Variants in VAV3 observed in about 807,000 individuals in gnomAD.
The protein encoded by VAV3 is vav guanine nucleotide exchange factor 3.
VAV3 carries 94 observed loss-of-function variants against 131.2 expected under a neutral mutation model. The ratio of observed to expected loss-of-function variants is 0.72; its 90% CI spans 0.61 to 0.85. VAV3 has a LOEUF of 0.85. VAV3 is among the 40% of genes least tolerant of loss of function. The pLI, the probability that VAV3 is intolerant of heterozygous loss-of-function variation, is 0.00. For missense variants in VAV3, 939 were observed against 1,002.7 expected (o/e 0.94, Z 0.86); for synonymous variants, 349 against 342.0 (o/e 1.02, Z -0.22).
At chr1:107,717,834 G>T (rs1661211686) in intron 15 of VAV3, among the ~76,000 whole-genome samples, 1 of 152,274 alleles carries the variant, frequency 6.6e-6, no homozygotes, top group East Asian at 1.9e-4. Context: ...TATTGACAAT[G>T]GGGTGTTAAA....
intron 25 of VAV3, among the ~76,000 whole-genome samples, chr1:107,583,275 A>G (rs183605327): frequency 6.6e-6 from 1 of 152,260 alleles, no homozygotes; most frequent in East Asian, 1.9e-4. Flanking sequence ...AGTAAGAGCT[A>G]TCTGTGACAA....
intron 15 of VAV3, among the ~76,000 whole-genome samples, chr1:107,746,737 A>T (rs1663369945): frequency 6.6e-6 from 1 of 152,226 alleles, no homozygotes; most frequent in Non-Finnish European, 1.5e-5. Flanking sequence ...TATTTCTACA[A>T]GGAATCCATA....
intron 6 of VAV3, among the ~76,000 whole-genome samples, chr1:107,769,849 G>A (rs923899772): frequency 2.0e-5 from 3 of 151,962 alleles, no homozygotes; most frequent in Non-Finnish European, 2.9e-5. Context: ...CAATCCGGTT[G>A]GTTCTATGTT....
chr1:107,927,370 G>A, intron 1 of VAV3, among the ~76,000 whole-genome samples: 1 of 152,148 alleles, frequency 6.6e-6, no homozygotes, highest in East Asian at 1.9e-4. Flanking sequence ...GACATTCCCA[G>A]CTGTGGTGGC....
chr1:107,751,413 C>T (rs1217388830), intron 12 of VAV3, among the ~76,000 whole-genome samples: 1 of 152,008 alleles, frequency 6.6e-6, no homozygotes, highest in Non-Finnish European at 1.5e-5. Context: ...TCAAGGACAT[C>T]AATTGATTTT....
chr1:107,649,206 C>T (rs1268674242), intron 19 of VAV3, among the ~76,000 whole-genome samples: 1 of 152,030 alleles, frequency 6.6e-6, no homozygotes, highest in Non-Finnish European at 1.5e-5. Flanking sequence ...ACCTAAACCA[C>T]ATTATTCTGC....
At chr1:107,931,422 A>G (rs1052998418) in intron 1 of VAV3, among the ~76,000 whole-genome samples, 10 of 152,356 alleles carry the variant, frequency 6.6e-5, no homozygotes, top group African/African-American at 2.2e-4. Flanking sequence ...CCAATTAAAA[A>G]TAAAAAATAT....
intron 1 of VAV3, among the ~76,000 whole-genome samples, chr1:107,935,042 C>G (rs1046132220): frequency 1.3e-5 from 2 of 152,134 alleles, no homozygotes; most frequent in Non-Finnish European, 2.9e-5. Flanking sequence ...ACAGATTACG[C>G]GAACTGATGG....
intron 19 of VAV3, among the ~76,000 whole-genome samples, chr1:107,657,882 T>G (rs1261454460): frequency 2.0e-5 from 3 of 152,222 alleles, no homozygotes; most frequent in Non-Finnish European, 4.4e-5. Flanking sequence ...TAATCATTAG[T>G]ACAGTCATGG....
At chr1:107,855,792 G>A (rs1669440910) in intron 2 of VAV3, among the ~76,000 whole-genome samples, 1 of 152,120 alleles carries the variant, frequency 6.6e-6, no homozygotes, top group South Asian at 2.1e-4. Flanking sequence ...AATAAAAGAG[G>A]ACTCAAAGGC....
chr1:107,939,405 T>C (rs1334566084), intron 1 of VAV3, among the ~76,000 whole-genome samples: 2 of 152,168 alleles, frequency 1.3e-5, no homozygotes, highest in African/African-American at 4.8e-5. Flanking sequence ...AGAATTTTGA[T>C]CTATCCCCAG....
chr1:107,650,612 GGTTA>G (rs1489331563), intron 19 of VAV3, among the ~76,000 whole-genome samples: 2 of 150,576 alleles, frequency 1.3e-5, no homozygotes, highest in Admixed American at 6.6e-5. Flanking sequence ...ACAATGTGCA[GGTTA>G]GTTACATATG....
chr1:107,903,227 A>T (rs1422899468), intron 1 of VAV3, among the ~76,000 whole-genome samples: 3 of 152,228 alleles, frequency 2.0e-5, no homozygotes, highest in Non-Finnish European at 2.9e-5. Context: ...CTTTCAGAAG[A>T]AAACCAGCAC....
chr1:107,727,219 T>C (rs761983681), intron 15 of VAV3, among the ~76,000 whole-genome samples: 2 of 152,246 alleles, frequency 1.3e-5, no homozygotes, highest in Non-Finnish European at 2.9e-5. Flanking sequence ...CTGGGTCCCA[T>C]GGCCAAGTCA....
At chr1:107,725,947 T>TCCC (rs1661813608) in intron 15 of VAV3, among the ~76,000 whole-genome samples, 1 of 152,184 alleles carries the variant, frequency 6.6e-6, no homozygotes, top group African/African-American at 2.4e-5. Flanking sequence ...AACCATACTG[T>TCCC]CCTGGGTAGT....
At chr1:107,863,818 T>C (rs1025937132) in intron 2 of VAV3, among the ~76,000 whole-genome samples, 1 of 152,196 alleles carries the variant, frequency 6.6e-6, no homozygotes, top group African/African-American at 2.4e-5. Context: ...AAAGAGAAGT[T>C]TGATTTCAGT....
chr1:107,690,770 T>A (rs1249022697), intron 17 of VAV3, among the ~76,000 whole-genome samples: 1 of 152,008 alleles, frequency 6.6e-6, no homozygotes, highest in African/African-American at 2.4e-5. Flanking sequence ...AGGGCATGAG[T>A]CCTTTAGTAG....
chr1:107,879,613 A>G (rs1366191083), intron 1 of VAV3, among the ~76,000 whole-genome samples: 3 of 152,120 alleles, frequency 2.0e-5, no homozygotes, highest in Admixed American at 2.0e-4. Flanking sequence ...AGACCTTTGA[A>G]TCATCTGAAG....
chr1:107,749,008 CTTTTG>C lies in VAV3; in HGVS notation c.1457_1461del (p.Thr486ArgfsTer11). 2 of 1,612,138 alleles carry C rather than the reference CTTTTG, an allele frequency of 1.2e-6. No homozygotes were observed. Among genetic ancestry groups the C allele is most frequent in the Non-Finnish European group, 1.7e-6 (2 of 1,179,130 alleles). ...TGTTCTAGCCATTTCTTCTTTAAAT[CTTTTG>C]TTTTGCAATAAAATTCTAACCCATT... On this transcript the variant is annotated frameshift_variant, in exon 15 of 27. Coordinates refer to ENST00000370056, the MANE Select transcript of VAV3 (RefSeq NM_006113.5). LOFTEE classifies it high-confidence loss of function.
Sources: gnomAD v4.1 joint callset for allele counts (sites outside exome capture counted in the v4.1 genomes callset) on GRCh38, gnomAD v4.1.1 for gene constraint, MANE v1.5 for transcripts, NCBI Gene and HGNC (gene_info 2026-07-23, HGNC 2026-07-21) for gene names.